The following DNMT3B variants were observed in gnomAD, a reference collection of about 807,000 sequenced individuals.
The protein encoded by DNMT3B is DNA (cytosine-5)-methyltransferase 3B.
In DNMT3B, 37 loss-of-function variants were observed where a neutral mutation model predicts 120.2. The ratio of observed to expected loss-of-function variants is 0.31; its 90% CI spans 0.24 to 0.40. The LOEUF (loss-of-function observed/expected upper bound fraction) is 0.40. Ranked by LOEUF, DNMT3B falls within the 10% of genes least tolerant of loss-of-function variation. The pLI, the probability that DNMT3B is intolerant of heterozygous loss-of-function variation, is 1.00. For missense variants in DNMT3B, 878 were observed against 1,137.3 expected (o/e 0.77, Z 3.28); for synonymous variants, 412 against 442.8 (o/e 0.93, Z 0.87).
chr20:32,768,353 C>T (rs889741054), intron 1 of DNMT3B, among the ~76,000 whole-genome samples: 1 of 151,890 alleles, frequency 6.6e-6, no homozygotes, highest in South Asian at 2.1e-4. Flanking sequence ...CCACCATTCC[C>T]GACTAATTTT....
Position 32,763,498 on chromosome 20 carries a change from C to T in DNMT3B, c.-7+799C>T, listed in dbSNP as rs111593183. On this transcript the variant is annotated intron_variant, in intron 1 of 22. Transcript: ENST00000328111. ...TACCTTCCATTCTTAGCCTAACTCCCGTGTGCGGCTGGCCCCACTTCCCAG... is the reference window on the plus strand; with the variant it reads ...TACCTTCCATTCTTAGCCTAACTCCTGTGTGCGGCTGGCCCCACTTCCCAG... Among the ~76,000 whole-genome samples the T allele has an allele frequency of 5.5e-3, 839 of 152,358 alleles. 15 individuals are homozygous for T. Among genetic ancestry groups the T allele is most frequent in the African/African-American group, 0.02 (813 of 41,584 alleles).
chr20:32,781,399 G>A lies in DNMT3B; in HGVS notation c.189G>A (p.Leu63=). The A allele has an allele frequency of 6.2e-7, 1 of 1,614,216 alleles. No individual in the cohort carries two copies. Among genetic ancestry groups the A allele is most frequent in the East Asian group, 2.2e-5 (1 of 44,884 alleles). Reference sequence around the variant, plus strand: ...TCTCCAAGAGGGAGGTGTCCAGTCTGCTAAGCTACACACAGGTATGGTCTC... The same window carrying A: ...TCTCCAAGAGGGAGGTGTCCAGTCTACTAAGCTACACACAGGTATGGTCTC... ...SRLSKREVSS[L]LSYTQDLTGD... is the part of the protein sequence containing the mutation. The change falls in exon 3 of 23, where the codon CTG becomes CTA. Residue 63 remains leucine (L), a synonymous_variant. Coordinates refer to ENST00000328111, the MANE Select transcript of DNMT3B (RefSeq NM_006892.4).
At chr20:32,785,040 T>TC (rs1979103941) in intron 4 of DNMT3B, among the ~76,000 whole-genome samples, 181 bp downstream of exon 4, 1 of 93,994 alleles carries the variant, frequency 1.1e-5, no homozygotes. Flanking sequence ...TTTTCTTTTT[T>TC]CTTTTTTTTT....
chr20:32,774,738 GA>G (rs1348994063), intron 1 of DNMT3B, among the ~76,000 whole-genome samples: 1 of 151,480 alleles, frequency 6.6e-6, no homozygotes, highest in Non-Finnish European at 1.5e-5. Context: ...TCTATTTTGA[GA>G]TGGAGTCTCC....
intron 1 of DNMT3B, among the ~76,000 whole-genome samples, chr20:32,764,660 C>A (rs769887437): frequency 2.6e-5 from 4 of 152,194 alleles, no homozygotes; most frequent in African/African-American, 7.2e-5. Context: ...CGCATGGGGG[C>A]CTACTGCAAA....
At chr20:32,786,450 C>T in intron 4 of DNMT3B, 52 bp from the exon 5 acceptor site, 2 of 1,613,082 alleles carry the variant, frequency 1.2e-6, no homozygotes, top group Non-Finnish European at 1.7e-6. Flanking sequence ...CCCCGCCAGA[C>T]CCCAGGCCTC....
chr20:32,765,294 GAT>G (rs1265487141), intron 1 of DNMT3B, among the ~76,000 whole-genome samples: 1 of 152,032 alleles, frequency 6.6e-6, no homozygotes, highest in Non-Finnish European at 1.5e-5. Flanking sequence ...AGACTGAGCA[GAT>G]ATGTCTCCCC....
In DNMT3B at chr20:32,809,045, G is replaced by C. The variant is rs1982247555; in HGVS notation, c.*1142G>C. On this transcript the variant is annotated 3_prime_UTR_variant, in exon 23 of 23. Transcript: ENST00000328111. Reference sequence around the variant, plus strand: ...CGTTTTTAGGGAGAACGGGAATTCAGACAAGCTGCATTTCAGAAATGCTGT... The same window carrying C: ...CGTTTTTAGGGAGAACGGGAATTCACACAAGCTGCATTTCAGAAATGCTGT... The C allele has an allele frequency of 4.6e-6, 1 of 216,756 alleles. No individual in the cohort carries two copies. Among genetic ancestry groups the C allele is most frequent in the African/African-American group, 2.3e-5 (1 of 44,434 alleles). The allele number at this position is 216,756 out of a possible 1,614,324, so 13.4% of individuals were successfully genotyped here. A position where few individuals can be genotyped will look rare whatever the true frequency, so the allele number is the denominator to read the frequency against.
At position 32,797,308 on chromosome 20, in the gene DNMT3B, T is replaced by A. The variant is rs370659978; in HGVS notation, c.1490+9T>A. The A allele has an allele frequency of 2.5e-6, 4 of 1,613,108 alleles. No homozygotes were observed. Among genetic ancestry groups the A allele is most frequent in the Non-Finnish European group, 2.5e-6 (3 of 1,179,382 alleles). ...AACACGAGCTGCTGCCGGTGAGCAC[T>A]GGGCCCTGTGGGGTGGATGTGGGTG... On this transcript the variant is annotated intron_variant, in intron 14 of 22. Transcript: ENST00000328111.
chr20:32,779,290 A>G (rs1173006141), intron 1 of DNMT3B, among the ~76,000 whole-genome samples: 1 of 152,216 alleles, frequency 6.6e-6, no homozygotes, highest in East Asian at 1.9e-4. Context: ...TATGCCCTGA[A>G]GTTTTTTACT....
chr20:32,765,996 A>T (rs1308133211), intron 1 of DNMT3B, among the ~76,000 whole-genome samples: 2 of 151,926 alleles, frequency 1.3e-5, no homozygotes, highest in Non-Finnish European at 2.9e-5. Flanking sequence ...TGACCTCCTG[A>T]TCCACCCGCC....
intron 22 of DNMT3B, 84 bp from the exon 23 acceptor site, chr20:32,807,678 G>A: frequency 6.2e-7 from 1 of 1,601,380 alleles, no homozygotes; most frequent in Non-Finnish European, 8.5e-7. Flanking sequence ...GGCGAGGGCA[G>A]AAAGAGTGGG....
rs768937892 is a variant in DNMT3B, at chr20:32,781,350, C to T, written c.143-3C>T. On this transcript the variant is annotated splice_polypyrimidine_tract_variant and splice_region_variant and intron_variant, in intron 2 of 22. Coordinates refer to ENST00000328111, the MANE Select transcript of DNMT3B (RefSeq NM_006892.4). Reference sequence around the variant, plus strand: ...AACAGACTCCTGGCTGTTTCCTCTACAGGCCGAAGATCAAGCTCGCGACTC... The same window carrying T: ...AACAGACTCCTGGCTGTTTCCTCTATAGGCCGAAGATCAAGCTCGCGACTC... 1.3e-5 allele frequency: 21 copies of T among 1,614,156 alleles called. No individual in the cohort carries two copies. Among genetic ancestry groups the T allele is most frequent in the Non-Finnish European group, 1.6e-5 (19 of 1,180,036 alleles).
chr20:32,805,517 T>G, intron 21 of DNMT3B, 110 bp downstream of exon 21: 1 of 1,268,598 alleles, frequency 7.9e-7, no homozygotes, highest in Non-Finnish European at 1.1e-6. Flanking sequence ...CCACGTGACT[T>G]CCTGGTGTTG....
intron 2 of DNMT3B, among the ~76,000 whole-genome samples, chr20:32,781,152 G>A (rs1420899101): frequency 6.6e-6 from 1 of 152,176 alleles, no homozygotes; most frequent in Non-Finnish European, 1.5e-5. Flanking sequence ...TCACGTGCCT[G>A]GCCCAGGGCT....
At chr20:32,801,135 G>A in intron 18 of DNMT3B, 143 bp from the exon 19 acceptor site, 2 of 1,311,774 alleles carry the variant, frequency 1.5e-6, no homozygotes, top group Non-Finnish European at 2.2e-6. Flanking sequence ...CTGTGTCCCT[G>A]CTGTCATTCA....
intron 4 of DNMT3B, among the ~76,000 whole-genome samples, chr20:32,786,285 G>C (rs2145942547): frequency 6.6e-6 from 1 of 152,336 alleles, no homozygotes; most frequent in South Asian, 2.1e-4. Context: ...GAATTGTCGG[G>C]CATCCTAGCT....
chr20:32,786,813 T>G (rs912492713), intron 5 of DNMT3B, among the ~76,000 whole-genome samples, 186 bp downstream of exon 5: 1 of 152,234 alleles, frequency 6.6e-6, no homozygotes, highest in African/African-American at 2.4e-5. Flanking sequence ...TCTCTCCTGG[T>G]CTGATCTCAG....
chr20:32,789,371 C>T lies in DNMT3B; in HGVS notation c.813+359C>T, dbSNP rs143619622. On this transcript the variant is annotated intron_variant, in intron 7 of 22. Transcript: ENST00000328111. Reference sequence around the variant, plus strand: ...CTGGAAGAGACCGGAAGCATGGCCGCGGCCTCTTGTCATTTAGCCCTGGGG... The same window carrying T: ...CTGGAAGAGACCGGAAGCATGGCCGTGGCCTCTTGTCATTTAGCCCTGGGG... Among the ~76,000 whole-genome samples the T allele has an allele frequency of 3.2e-3, 483 of 152,272 alleles. 1 individual carries two copies. Among genetic ancestry groups the T allele is most frequent in the Non-Finnish European group, 4.9e-3 (332 of 68,014 alleles).
Sources: allele counts gnomAD v4.1 joint callset (sites outside exome capture counted in the v4.1 genomes callset), GRCh38; gene constraint gnomAD v4.1.1; transcripts MANE v1.5; gene names NCBI Gene and HGNC (gene_info 2026-07-23, HGNC 2026-07-21).